GPM6A: variants seen among roughly 807,000 people sequenced by gnomAD.
GPM6A encodes glycoprotein M6A, also known as neuronal membrane glycoprotein M6-a.
Under a neutral mutation model 32.1 loss-of-function variants are expected in GPM6A, and 7 were observed. That is an observed-to-expected ratio of 0.22 (90% CI 0.12 to 0.41). GPM6A has a LOEUF of 0.41. Among genes scored for constraint, GPM6A ranks in the 10% least tolerant of loss-of-function variants. GPM6A has a pLI of 1.00. For synonymous variants in GPM6A, 130 were observed against 123.4 expected, an observed-to-expected ratio of 1.05 and a Z score of -0.35; for missense variants, 235 against 347.2, an observed-to-expected ratio of 0.68 and a Z score of 2.57.
At chr4:175,807,719 C>T (rs1177203367) in intron 1 of GPM6A, 2 of 152,144 alleles carry the variant, frequency 1.3e-5, no homozygotes, top group Non-Finnish European at 2.9e-5. Context: ...AGGAACACAA[C>T]CATAAATTGC....
intron 1 of GPM6A, among the ~76,000 whole-genome samples, chr4:175,780,240 GT>G (rs1167936961): frequency 6.6e-6 from 1 of 152,014 alleles, no homozygotes; most frequent in Admixed American, 6.5e-5. Context: ...TACAGATGGG[GT>G]TTTTCCATAT....
At chr4:175,825,719 C>T (rs6812972) in intron 1 of GPM6A, among the ~76,000 whole-genome samples, 147,132 of 152,274 alleles carry the variant, frequency 0.97, 71,307 homozygotes, top group East Asian at 1. Flanking sequence ...TTTTATTGTT[C>T]GTTAGAAAGG....
intron 1 of GPM6A, among the ~76,000 whole-genome samples, chr4:175,957,892 GT>G (rs981215788): frequency 1.3e-5 from 2 of 151,998 alleles, no homozygotes; most frequent in African/African-American, 4.8e-5. Context: ...CTGTTTTGTT[GT>G]TTGTTTTTTG....
chr4:175,688,786 A>G (rs1183062507), intron 2 of GPM6A, among the ~76,000 whole-genome samples: 2 of 152,200 alleles, frequency 1.3e-5, no homozygotes, highest in Non-Finnish European at 2.9e-5. Flanking sequence ...TTATGTACCA[A>G]TAAATACATA....
rs111710260 is a variant in GPM6A at position 175,734,567 on chromosome 4, TAAA to T, written c.38-32803_38-32801del. 2.7e-3 allele frequency among the ~76,000 whole-genome samples: 390 copies of T among 143,704 alleles called. 5 individuals carry two copies. The highest frequency in any genetic ancestry group is 9.4e-3 in the African/African-American group (364 of 38,882). The allele number at this position is 143,704 out of a possible 152,430, so 94.3% of individuals were successfully genotyped here. A position where few individuals can be genotyped will look rare whatever the true frequency, so the allele number is the denominator to read the frequency against. On this transcript the variant is annotated intron_variant, in intron 1 of 6. Transcript: ENST00000393658. ...CAAATGTAATCAGTCCTTTACTTTT[TAAA>T]AAAAAAAAATGCTATATAATAGGCT...
chr4:175,906,382 T>G (rs1218519047), intron 1 of GPM6A, among the ~76,000 whole-genome samples: 1 of 152,188 alleles, frequency 6.6e-6, no homozygotes, highest in East Asian at 1.9e-4. Flanking sequence ...ATTTATAATT[T>G]GGTTTTGGCT....
chr4:175,953,697 C>T (rs560417962), intron 1 of GPM6A, among the ~76,000 whole-genome samples: 1 of 151,946 alleles, frequency 6.6e-6, no homozygotes, highest in East Asian at 1.9e-4. Flanking sequence ...AGGTCGGGAT[C>T]GAGACCAGCC....
chr4:175,991,168 C>T (rs894172805), intron 1 of GPM6A, among the ~76,000 whole-genome samples: 1 of 150,050 alleles, frequency 6.7e-6, no homozygotes, highest in African/African-American at 2.5e-5. Context: ...TGGGTTCAAA[C>T]GATTCTCCTG....
intron 1 of GPM6A, among the ~76,000 whole-genome samples, chr4:175,769,249 A>G (rs1733093965): frequency 6.6e-6 from 1 of 152,222 alleles, no homozygotes; most frequent in South Asian, 2.1e-4. Flanking sequence ...CTTTTCAATG[A>G]AAGATTTCAA....
chr4:175,758,115 A>G lies in GPM6A; in HGVS notation c.37+54076T>C, dbSNP rs571066692. ...TTCACTTCCCCAGGGAGTGATCCAA[A>G]GTAACCCATTGAACCTCTCCAAATC... On this transcript the variant is annotated intron_variant, in intron 1 of 6. Coordinates refer to ENST00000393658, the MANE Select transcript of GPM6A (RefSeq NM_201591.3). 3.9e-5 allele frequency among the ~76,000 whole-genome samples: 6 copies of G among 152,288 alleles called. No individual in the cohort carries two copies. In the South Asian group the frequency reaches 1.2e-3, roughly 32 times the overall value.
At chr4:175,948,178 C>T (rs1362911417) in intron 1 of GPM6A, among the ~76,000 whole-genome samples, 1 of 152,168 alleles carries the variant, frequency 6.6e-6, no homozygotes, top group African/African-American at 2.4e-5. Flanking sequence ...ATGATACCCT[C>T]ATGTTATAGA....
At chr4:175,794,351 A>C (rs1734131679) in intron 1 of GPM6A, among the ~76,000 whole-genome samples, 1 of 152,250 alleles carries the variant, frequency 6.6e-6, no homozygotes. Context: ...GTGAGTCCTT[A>C]ATAGAAACCA....
chr4:175,636,905 A>G (rs1474932783), intron 6 of GPM6A, among the ~76,000 whole-genome samples: 1 of 140,664 alleles, frequency 7.1e-6, no homozygotes, highest in African/African-American at 2.6e-5. Flanking sequence ...AATTGGAGTG[A>G]TCTTGAATTT....
chr4:175,906,380 T>A (rs529085540), intron 1 of GPM6A, among the ~76,000 whole-genome samples: 1 of 152,302 alleles, frequency 6.6e-6, no homozygotes, highest in Non-Finnish European at 1.5e-5. Flanking sequence ...AAATTTATAA[T>A]TTGGTTTTGG....
At chr4:175,884,572 C>T (rs1737389187) in intron 1 of GPM6A, among the ~76,000 whole-genome samples, 1 of 152,022 alleles carries the variant, frequency 6.6e-6, no homozygotes. Context: ...CGCTCTGTTG[C>T]CCAGGTTGGA....
At chr4:175,854,950 T>G (rs1405439683) in intron 1 of GPM6A, among the ~76,000 whole-genome samples, 1 of 152,164 alleles carries the variant, frequency 6.6e-6, no homozygotes, top group East Asian at 1.9e-4. Context: ...GTAGAACATC[T>G]CATAATTCTC....
chr4:175,677,530 G>GA (rs1743442470), intron 2 of GPM6A, among the ~76,000 whole-genome samples: 2 of 152,048 alleles, frequency 1.3e-5, no homozygotes, highest in South Asian at 4.1e-4. Flanking sequence ...GCATAGAACT[G>GA]AAAAAATTGC....
At chr4:175,995,402 A>G (rs1040958323) in intron 1 of GPM6A, among the ~76,000 whole-genome samples, 1 of 149,238 alleles carries the variant, frequency 6.7e-6, no homozygotes, top group African/African-American at 2.5e-5. Flanking sequence ...AAAAAAAAGC[A>G]CAGTATCTAC....
At chr4:175,944,902 C>G (rs964182341) in intron 1 of GPM6A, among the ~76,000 whole-genome samples, 3 of 151,784 alleles carry the variant, frequency 2.0e-5, no homozygotes, top group Non-Finnish European at 4.4e-5. Context: ...GTCTCAGTTT[C>G]AGAGACCTCG....
Sources: allele counts gnomAD v4.1 joint callset (sites outside exome capture counted in the v4.1 genomes callset), GRCh38; gene constraint gnomAD v4.1.1; transcripts MANE v1.5; gene names NCBI Gene and HGNC (gene_info 2026-07-23, HGNC 2026-07-21).